The following DPPA2 variants were observed in gnomAD, a reference collection of about 807,000 sequenced individuals.
DPPA2 encodes developmental pluripotency-associated protein 2.
DPPA2 carries 26 observed loss-of-function variants against 36.2 expected under a neutral mutation model. That is an observed-to-expected ratio of 0.72 (90% CI 0.53 to 1.00). DPPA2 has a LOEUF of 1.00. Among genes scored for constraint, DPPA2 ranks in the 50% least tolerant of loss-of-function variants. The probability of loss-of-function intolerance (pLI) is 0.00; values close to 1 mark genes in which losing one functional copy is unlikely to be tolerated. For missense variants in DPPA2, 361 were observed against 365.1 expected, an observed-to-expected ratio of 0.99 and a Z score of 0.09; for synonymous variants, 113 against 123.2, an observed-to-expected ratio of 0.92 and a Z score of 0.55.
At chr3:109,305,068 C>T (rs1576819677) in intron 6 of DPPA2, among the ~76,000 whole-genome samples, 1 of 152,006 alleles carries the variant, frequency 6.6e-6, no homozygotes, top group East Asian at 1.9e-4. Flanking sequence ...ATAGCTTGAA[C>T]CCGGAAGGCA....
Position 109,312,694 on chromosome 3 carries a change from TG to T in DPPA2, c.34-3del, listed in dbSNP as rs1355804359. The T allele has an allele frequency of 4.3e-6, 7 of 1,612,834 alleles. No homozygotes were observed. The South Asian group carries it at 7.7e-5, about 18-fold the overall frequency. On this transcript the variant is annotated splice_polypyrimidine_tract_variant and splice_region_variant and intron_variant, in intron 2 of 8. Transcript: ENST00000478945. ...ATCTACTTCCCCCTCCAAGAAATTCTGGAAAGAGAAGTCAGTCACTGATTTT... is the reference window on the plus strand; with the variant it reads ...ATCTACTTCCCCCTCCAAGAAATTCTGAAAGAGAAGTCAGTCACTGATTTT...
chr3:109,301,247 A>G (rs974970940), intron 7 of DPPA2, among the ~76,000 whole-genome samples: 9 of 152,000 alleles, frequency 5.9e-5, no homozygotes, highest in Non-Finnish European at 1.0e-4. Flanking sequence ...CCAAAGTGCT[A>G]GGATTGCAGT....
chr3:109,309,339 A>G lies in DPPA2; in HGVS notation c.182-9T>C. On this transcript the variant is annotated splice_polypyrimidine_tract_variant and intron_variant, in intron 3 of 8. Transcript: ENST00000478945. ...TGTTTGAAGTAGATGACCTAAGACA[A>G]GAATGGAACCAAAGTAGTAATAATT... 1 of 1,613,668 alleles carries G rather than the reference A, an allele frequency of 6.2e-7. No homozygotes were observed. The highest frequency in any genetic ancestry group is 8.5e-7 in the Non-Finnish European group (1 of 1,179,686).
At chr3:109,297,202 A>G (rs552759875) in intron 8 of DPPA2, among the ~76,000 whole-genome samples, 3 of 152,320 alleles carry the variant, frequency 2.0e-5, no homozygotes, top group South Asian at 4.1e-4. Flanking sequence ...GCTCTACTTC[A>G]TATCATTAAG....
In DPPA2 at chr3:109,304,675, A is replaced by C; in HGVS notation, c.659-5T>G. 6.3e-7 allele frequency: 1 copy of C among 1,579,430 alleles called. No homozygotes were observed. The highest frequency in any genetic ancestry group is 8.6e-7 in the Non-Finnish European group (1 of 1,165,016). ...GGACCACACACCACCTGACGCCTGG[A>C]AAGGAAAAACAAATATAGACAGCAA... is the stretch of plus-strand genomic sequence containing the variant. On this transcript the variant is annotated splice_polypyrimidine_tract_variant and splice_region_variant and intron_variant, in intron 6 of 8. Transcript: ENST00000478945.
intron 8 of DPPA2, among the ~76,000 whole-genome samples, chr3:109,298,550 TA>T (rs1317010407): frequency 6.6e-6 from 1 of 151,396 alleles, no homozygotes; most frequent in African/African-American, 2.4e-5. Context: ...CCATCTCTAC[TA>T]AAAAAATACA....
In DPPA2 at chr3:109,316,264, A is replaced by G. The variant is rs894404971; in HGVS notation, c.-14+20T>C. 2 of 152,066 alleles carry G rather than the reference A, an allele frequency of 1.3e-5. No homozygotes were observed. Among genetic ancestry groups the G allele is most frequent in the Admixed American group, 6.6e-5 (1 of 15,214 alleles). The allele number at this position is 152,066 out of a possible 1,614,324, so 9.4% of individuals were successfully genotyped here. On this transcript the variant is annotated intron_variant, in intron 1 of 8. Coordinates refer to ENST00000478945, the MANE Select transcript of DPPA2 (RefSeq NM_138815.4). ...GCCACCACGCCCCGCTAATATTTAAATTTTTTGTAGAGAGGAGACCTGGGA... is the reference window on the plus strand; with the variant it reads ...GCCACCACGCCCCGCTAATATTTAAGTTTTTTGTAGAGAGGAGACCTGGGA...
rs879752448 is a variant in DPPA2 at position 109,311,751 on chromosome 3, TA to T, written c.181+793del. Among the ~76,000 whole-genome samples, 325 of 141,422 alleles carry T rather than the reference TA, an allele frequency of 2.3e-3. 2 individuals are homozygous for T. Among genetic ancestry groups the T allele is most frequent in the African/African-American group, 7.3e-3 (281 of 38,678 alleles). 92.8% of individuals were successfully genotyped at this position (141,422 alleles called of 152,430 possible). ...ACAAAACTCCGTCTCCAGAAAAATT[TA>T]AAAAAAAAAAGAAAAAAAACACTTA... On this transcript the variant is annotated intron_variant, in intron 3 of 8. Coordinates refer to ENST00000478945, the MANE Select transcript of DPPA2 (RefSeq NM_138815.4).
At chr3:109,307,959 C>A (rs1009480025) in intron 6 of DPPA2, 73 bp downstream of exon 6, 1 of 1,517,142 alleles carries the variant, frequency 6.6e-7, no homozygotes, top group Admixed American at 2.3e-5. Flanking sequence ...CCTTTGACCA[C>A]GTTTCAGTCT....
intron 8 of DPPA2, among the ~76,000 whole-genome samples, chr3:109,296,585 G>A (rs1226335510): frequency 6.6e-6 from 1 of 151,972 alleles, no homozygotes; most frequent in Admixed American, 6.6e-5. Context: ...TGAGACAGGA[G>A]AATTGTTTGA....
intron 8 of DPPA2, among the ~76,000 whole-genome samples, chr3:109,298,321 C>T (rs949606759): frequency 6.6e-6 from 1 of 152,084 alleles, no homozygotes; most frequent in Non-Finnish European, 1.5e-5. Context: ...GAGGCTCACA[C>T]CTGTAATCCC....
At chr3:109,305,826 T>C (rs1286803030) in intron 6 of DPPA2, among the ~76,000 whole-genome samples, 1 of 148,908 alleles carries the variant, frequency 6.7e-6, no homozygotes, top group East Asian at 2.0e-4. Flanking sequence ...GGAGATGTGA[T>C]ATTTGCAAGA....
intron 8 of DPPA2, among the ~76,000 whole-genome samples, chr3:109,299,851 G>A (rs1211749569): frequency 6.6e-6 from 1 of 151,314 alleles, no homozygotes; most frequent in South Asian, 2.1e-4. Flanking sequence ...CTCCTCCTGG[G>A]TGCAAGTGAT....
rs1181897861 is a variant in DPPA2 at position 109,308,194 on chromosome 3, T to C, written c.496A>G (p.Asn166Asp). Residue 166 changes from asparagine (N) to aspartate (D), a missense_variant, in exon 6 of 9, where the codon AAT becomes GAT. Coordinates refer to ENST00000478945, the MANE Select transcript of DPPA2 (RefSeq NM_138815.4). ...GTATTGGTCTCTTCTGCTCTCTCATTCATCTCATAACTTCTCTGAAGCCTT... is the reference window on the plus strand; with the variant it reads ...GTATTGGTCTCTTCTGCTCTCTCATCCATCTCATAACTTCTCTGAAGCCTT... ...RARLQRSYEMNERAEETNTVE... is the reference protein window; with the variant it reads ...RARLQRSYEMDERAEETNTVE... 3 of 1,614,200 alleles carry C rather than the reference T, an allele frequency of 1.9e-6. No homozygotes were observed. The South Asian group carries it at 3.3e-5, about 18-fold the overall frequency.
chr3:109,299,366 C>G (rs185513633), intron 8 of DPPA2, among the ~76,000 whole-genome samples: 1 of 151,754 alleles, frequency 6.6e-6, no homozygotes, highest in Non-Finnish European at 1.5e-5. Context: ...AAAAATTAGC[C>G]GGGTGTGGTG....
intron 4 of DPPA2, 41 bp downstream of exon 4, chr3:109,309,129 T>A (rs370779235): frequency 6.2e-7 from 1 of 1,614,140 alleles, no homozygotes; most frequent in Non-Finnish European, 8.5e-7. Context: ...AAGACTCCCA[T>A]AATTATTCCC....
At chr3:109,310,407 C>CAA (rs147915128) in intron 3 of DPPA2, among the ~76,000 whole-genome samples, 77 of 63,220 alleles carry the variant, frequency 1.2e-3, no homozygotes, top group African/African-American at 2.1e-3. Context: ...GACTCTGTCT[C>CAA]AAAAAAAAAA....
rs901388205 is a variant in DPPA2 at position 109,304,585 on chromosome 3, G to C, written c.744C>G (p.Ala248=). Residue 248 remains alanine (A), a synonymous_variant, in exon 7 of 9, where the codon GCC becomes GCG. Transcript: ENST00000478945. ...WVRLQFHAGQ[A]WVPTTHRRMI... ...TCCTCCTGTGAGTGGTAGGCACCCA[G>C]GCCTGACCTGCATGAAACTGCAGGC... 6.2e-7 allele frequency: 1 copy of C among 1,614,058 alleles called. No individual in the cohort carries two copies.
chr3:109,304,614 C>T lies in DPPA2; in HGVS notation c.715G>A (p.Val239Ile). The T allele has an allele frequency of 6.2e-7, 1 of 1,613,756 alleles. No individual in the cohort carries two copies. The highest frequency in any genetic ancestry group is 8.5e-7 in the Non-Finnish European group (1 of 1,179,914). Residue 239 changes from valine (V) to isoleucine (I), a missense_variant, in exon 7 of 9, where the codon GTA becomes ATA. By Grantham distance (29) the Val-to-Ile change is conservative (BLOSUM62 3). Coordinates refer to ENST00000478945, the MANE Select transcript of DPPA2 (RefSeq NM_138815.4). ...RLLSADTKGWVRLQFHAGQAW... is the reference protein window; with the variant it reads ...RLLSADTKGWIRLQFHAGQAW... ...TGACCTGCATGAAACTGCAGGCGTA[C>T]CCAACCCTTTGTGTCTGCCGAGAGA...
Sources: gnomAD v4.1 joint callset for allele counts (sites outside exome capture counted in the v4.1 genomes callset) on GRCh38, gnomAD v4.1.1 for gene constraint, MANE v1.5 for transcripts, NCBI Gene and HGNC (gene_info 2026-07-23, HGNC 2026-07-21) for gene names.